Variants in BAALC observed in about 807,000 individuals in gnomAD.
BAALC encodes BAALC binder of MAP3K1 and KLF4, also known as brain and acute leukemia cytoplasmic protein.
In BAALC, 9 loss-of-function variants were observed where a neutral mutation model predicts 15.5. The ratio of observed to expected loss-of-function variants is 0.58; its 90% CI spans 0.35 to 1.02. The LOEUF (loss-of-function observed/expected upper bound fraction) is 1.02, where lower values mean the gene tolerates loss of function less well. BAALC is among the 50% of genes least tolerant of loss of function. The probability of loss-of-function intolerance (pLI) is 0.02; values close to 1 mark genes in which losing one functional copy is unlikely to be tolerated. For synonymous variants in BAALC, 80 were observed against 74.6 expected (o/e 1.07, Z -0.37); for missense variants, 201 against 192.4 (o/e 1.04, Z -0.27).
intron 1 of BAALC, among the ~76,000 whole-genome samples, chr8:103,201,549 C>T (rs1812218545): frequency 6.6e-6 from 1 of 152,236 alleles, no homozygotes; most frequent in Non-Finnish European, 1.5e-5. Context: ...GCCTTGTTCT[C>T]CCTCTCTTAA....
chr8:103,142,891 C>T (rs1391426516), intron 1 of BAALC, among the ~76,000 whole-genome samples: 4 of 152,164 alleles, frequency 2.6e-5, no homozygotes, highest in South Asian at 2.1e-4. Flanking sequence ...ATTCATGGTA[C>T]CCTGCCAAAC....
chr8:103,141,881 A>ATTTTATTT (rs1009417813), intron 1 of BAALC, among the ~76,000 whole-genome samples: 1 of 152,196 alleles, frequency 6.6e-6, no homozygotes, highest in Non-Finnish European at 1.5e-5. Context: ...ATTTTATTTT[A>ATTTTATTT]TTTTATTTTT....
intron 1 of BAALC, among the ~76,000 whole-genome samples, chr8:103,178,097 A>C (rs1811644766): frequency 6.6e-6 from 1 of 152,222 alleles, no homozygotes; most frequent in African/African-American, 2.4e-5. Flanking sequence ...AGGTAGTTTC[A>C]TTAAAAAGCA....
At chr8:103,212,851 T>C in intron 1 of BAALC, 68 bp from the exon 2 acceptor site, 2 of 1,496,454 alleles carry the variant, frequency 1.3e-6, no homozygotes, top group South Asian at 2.7e-5. Context: ...TTCTCCACCA[T>C]TTTGGGATTG....
chr8:103,215,873 G>A (rs1812543337), intron 2 of BAALC, among the ~76,000 whole-genome samples: 1 of 152,174 alleles, frequency 6.6e-6, no homozygotes, highest in Non-Finnish European at 1.5e-5. Context: ...TAACTTCAAT[G>A]AATTCTTATA....
chr8:103,161,669 T>A (rs1811227382), intron 1 of BAALC, among the ~76,000 whole-genome samples: 1 of 152,198 alleles, frequency 6.6e-6, no homozygotes, highest in Non-Finnish European at 1.5e-5. Context: ...AAATGCTGAA[T>A]GCAAATGTAA....
chr8:103,225,316 T>C (rs1167610649), intron 2 of BAALC, among the ~76,000 whole-genome samples: 1 of 152,240 alleles, frequency 6.6e-6, no homozygotes, highest in East Asian at 1.9e-4. Context: ...AATGACATCC[T>C]ATCTCATGAA....
chr8:103,142,603 A>C (rs1810803332), intron 1 of BAALC, among the ~76,000 whole-genome samples: 1 of 152,212 alleles, frequency 6.6e-6, no homozygotes, highest in South Asian at 2.1e-4. Context: ...AAGATCTAGC[A>C]TGAAAAAAAT....
chr8:103,170,678 A>G lies in BAALC; in HGVS notation c.160+29621A>G, dbSNP rs188998938. Among the ~76,000 whole-genome samples, 31 of 152,316 alleles carry G rather than the reference A, an allele frequency of 2.0e-4. No individual in the cohort carries two copies. The East Asian group carries it at 5.4e-3, about 26-fold the overall frequency. On this transcript the variant is annotated intron_variant, in intron 1 of 2. Transcript: ENST00000309982. The stretch of plus-strand genomic sequence containing the variant: ...GCCAACACTTTAATTTCAGACTTCT[A>G]GCTCCCAGAACTGTGAGACAGTAAA...
chr8:103,177,285 A>G (rs1319535284), intron 1 of BAALC, among the ~76,000 whole-genome samples: 2 of 151,606 alleles, frequency 1.3e-5, no homozygotes, highest in Non-Finnish European at 2.9e-5. Flanking sequence ...CCTGGGCCCA[A>G]GTGATCCTCC....
chr8:103,182,046 A>G (rs972180008), intron 1 of BAALC, among the ~76,000 whole-genome samples: 1 of 152,224 alleles, frequency 6.6e-6, no homozygotes, highest in African/African-American at 2.4e-5. Flanking sequence ...GGCATGAGAC[A>G]TGAAATTTCC....
intron 1 of BAALC, among the ~76,000 whole-genome samples, chr8:103,150,720 C>G (rs1045829420): frequency 2.0e-5 from 3 of 152,204 alleles, no homozygotes; most frequent in African/African-American, 7.2e-5. Flanking sequence ...TCTTCACAGG[C>G]ATTTTAGTGG....
At chr8:103,170,118 G>C (rs1165050240) in intron 1 of BAALC, among the ~76,000 whole-genome samples, 1 of 151,970 alleles carries the variant, frequency 6.6e-6, no homozygotes, top group East Asian at 1.9e-4. Context: ...TTTTTCCTAT[G>C]AGTTTATGCC....
intron 2 of BAALC, 46 bp from the exon 3 acceptor site, chr8:103,227,943 G>T: frequency 7.4e-7 from 1 of 1,354,950 alleles, no homozygotes; most frequent in Non-Finnish European, 1.1e-6. Flanking sequence ...CATTTTCTTT[G>T]GTTTACATTT....
At chr8:103,171,254 G>A (rs1034434973) in intron 1 of BAALC, among the ~76,000 whole-genome samples, 18 of 138,324 alleles carry the variant, frequency 1.3e-4, no homozygotes, top group African/African-American at 1.9e-4. Context: ...AGGAAGGAAG[G>A]AAGAAAGGAA....
In BAALC at chr8:103,194,587, G is replaced by T. The variant is rs115957511; in HGVS notation, c.161-18332G>T. On this transcript the variant is annotated intron_variant, in intron 1 of 2. Transcript: ENST00000309982. ...AGAATCATAGTATAATAAAAGGTCA[G>T]ATTCTCAGCTGTCAGTTCATTCATG... Among the ~76,000 whole-genome samples, 500 of 152,268 alleles carry T rather than the reference G, an allele frequency of 3.3e-3. 5 individuals carry two copies. The highest frequency in any genetic ancestry group is 0.011 in the African/African-American group (472 of 41,568).
intron 1 of BAALC, among the ~76,000 whole-genome samples, chr8:103,193,137 A>G (rs1812010705): frequency 6.6e-6 from 1 of 152,190 alleles, no homozygotes; most frequent in South Asian, 2.1e-4. Context: ...CCTTCTAAAG[A>G]AGGTGAGGCA....
chr8:103,160,174 A>G (rs1156519370), intron 1 of BAALC, among the ~76,000 whole-genome samples: 1 of 152,194 alleles, frequency 6.6e-6, no homozygotes, highest in African/African-American at 2.4e-5. Context: ...ATGCACAAAC[A>G]AAGCAAGGAA....
rs80247600 is a variant in BAALC at position 103,174,588 on chromosome 8, A to G, written c.160+33531A>G. Among the ~76,000 whole-genome samples, 366 of 152,358 alleles carry G rather than the reference A, an allele frequency of 2.4e-3. 1 individual carries two copies. Among genetic ancestry groups the G allele is most frequent in the Middle Eastern group, 0.014 (4 of 294 alleles). On this transcript the variant is annotated intron_variant, in intron 1 of 2. Coordinates refer to ENST00000309982, the MANE Select transcript of BAALC (RefSeq NM_024812.3). ...ATGCATTTGGAAATAGATCATAGGC[A>G]AAGGGTAATTCATAGATGTTTGGAT...
Sources: allele counts gnomAD v4.1 joint callset (sites outside exome capture counted in the v4.1 genomes callset), GRCh38; gene constraint gnomAD v4.1.1; transcripts MANE v1.5; gene names NCBI Gene and HGNC (gene_info 2026-07-23, HGNC 2026-07-21).